Variants in RLN2 observed in about 807,000 individuals in gnomAD.
RLN2 encodes the protein relaxin 2.
In RLN2, 10 loss-of-function variants were observed where a neutral mutation model predicts 7.3. The observed-to-expected ratio is 1.36, with a 90% confidence interval of 0.84 to 2.31. RLN2 has a LOEUF of 2.31. RLN2 is among the 30% of genes most tolerant of loss of function. RLN2 has a pLI of 0.00. For synonymous variants in RLN2, 103 were observed against 82.3 expected (o/e 1.25, Z -1.36); for missense variants, 298 against 217.6 (o/e 1.37, Z -2.32).
the RLN2 span, among the ~76,000 whole-genome samples, chr9:5,328,521 G>C: frequency 6.6e-6 from 1 of 151,952 alleles, no homozygotes; most frequent in Non-Finnish European, 1.5e-5. Flanking sequence ...CCCTAATCTA[G>C]CAAGGCAGGC....
chr9:5,339,173 G>T, the RLN2 span: 8 of 195,592 alleles, frequency 4.1e-5, no homozygotes, highest in Non-Finnish European at 7.3e-5. Context: ...GGGTGCAGGA[G>T]TGCGCCCGGC....
the RLN2 span, among the ~76,000 whole-genome samples, chr9:5,323,808 G>A: frequency 1.3e-5 from 2 of 151,950 alleles, no homozygotes; most frequent in Non-Finnish European, 2.9e-5. Flanking sequence ...CAATTTGGGA[G>A]GCCGAGGTGG....
At chr9:5,318,784 T>A in the RLN2 span, among the ~76,000 whole-genome samples, 1 of 152,046 alleles carries the variant, frequency 6.6e-6, no homozygotes, top group Non-Finnish European at 1.5e-5. Flanking sequence ...ATCAGCTAAC[T>A]CAAGGAATTA....
chr9:5,330,484 A>G, the RLN2 span, among the ~76,000 whole-genome samples: 1 of 151,444 alleles, frequency 6.6e-6, no homozygotes, highest in Non-Finnish European at 1.5e-5. Flanking sequence ...TAAAAATACA[A>G]AAAATTAGCC....
the RLN2 span, among the ~76,000 whole-genome samples, chr9:5,320,641 G>A: frequency 6.6e-6 from 1 of 152,010 alleles, no homozygotes; most frequent in African/African-American, 2.4e-5. Flanking sequence ...AAAGTGCTGG[G>A]ATTATAGGCA....
upstream of RLN2, among the ~76,000 whole-genome samples, chr9:5,307,674 C>A (rs1816279310): frequency 6.6e-6 from 1 of 152,074 alleles, no homozygotes; most frequent in South Asian, 2.1e-4. Flanking sequence ...TTGTAAGTTT[C>A]CTGGGCATTG....
At chr9:5,306,009 T>C (rs1221570884), upstream of RLN2, among the ~76,000 whole-genome samples, 1 of 151,932 alleles carries the variant, frequency 6.6e-6, no homozygotes, top group East Asian at 1.9e-4. Flanking sequence ...TTTTGTGGGT[T>C]GACAGTCCTT....
At chr9:5,335,273 C>T in the RLN2 span, 1 of 1,593,922 alleles carries the variant, frequency 6.3e-7, no homozygotes, top group African/African-American at 1.4e-5. Context: ...AGCAAGAGAC[C>T]TTTTGGTACA....
chr9:5,315,304 G>GA, the RLN2 span, among the ~76,000 whole-genome samples: 2 of 148,224 alleles, frequency 1.3e-5, no homozygotes, highest in Non-Finnish European at 3.0e-5. Context: ...ACTGAGTGAA[G>GA]AAAATAAAAA....
At chr9:5,310,140 G>C in the RLN2 span, among the ~76,000 whole-genome samples, 1 of 151,960 alleles carries the variant, frequency 6.6e-6, no homozygotes, top group Admixed American at 6.6e-5. Flanking sequence ...TAAGGTCTAA[G>C]GAAGCAGGGT....
the RLN2 span, among the ~76,000 whole-genome samples, chr9:5,328,568 A>G: frequency 6.6e-6 from 1 of 151,968 alleles, no homozygotes; most frequent in African/African-American, 2.4e-5. Flanking sequence ...GACCACCACA[A>G]AGATACTCCT....
At chr9:5,310,614 A>G in the RLN2 span, among the ~76,000 whole-genome samples, 200 of 152,082 alleles carry the variant, frequency 1.3e-3, 3 homozygotes, top group African/African-American at 4.5e-3. Context: ...CTTTCTGAAC[A>G]TATCAGTTAT....
At chr9:5,339,181 G>C in the RLN2 span, 2 of 196,042 alleles carry the variant, frequency 1.0e-5, no homozygotes, top group Non-Finnish European at 1.8e-5. Context: ...GAGTGCGCCC[G>C]GCCTCCTGCG....
the RLN2 span, chr9:5,311,585 A>T: frequency 1.2e-6 from 1 of 869,172 alleles, no homozygotes; most frequent in East Asian, 2.4e-5. Context: ...CCATGCAAAG[A>T]CAGGAGAGAA....
At chr9:5,313,039 G>A in the RLN2 span, among the ~76,000 whole-genome samples, 2 of 151,994 alleles carry the variant, frequency 1.3e-5, no homozygotes, top group Non-Finnish European at 2.9e-5. Flanking sequence ...TGCATGAAAA[G>A]AATGTGTATT....
chr9:5,310,035 G>C, the RLN2 span, among the ~76,000 whole-genome samples: 1 of 151,980 alleles, frequency 6.6e-6, no homozygotes, highest in Non-Finnish European at 1.5e-5. Flanking sequence ...TTTGAGGAGG[G>C]GGAGTGGAGT....
At chr9:5,328,915 G>A in the RLN2 span, among the ~76,000 whole-genome samples, 110,437 of 151,810 alleles carry the variant, frequency 0.73, 40,718 homozygotes, top group African/African-American at 0.82. Flanking sequence ...GCTGCCTTAC[G>A]AGATTTCCTG....
the RLN2 span, among the ~76,000 whole-genome samples, chr9:5,329,074 C>T: frequency 5.3e-5 from 8 of 151,760 alleles, no homozygotes; most frequent in East Asian, 1.9e-4. Context: ...GAGGCCGAGG[C>T]GGGTGGATCA....
chr9:5,300,245 T>C lies in RLN2; in HGVS notation c.411A>G (p.Gln137=), dbSNP rs1816084704. The C allele has an allele frequency of 3.1e-6, 5 of 1,614,040 alleles. No homozygotes were observed. Among genetic ancestry groups the C allele is most frequent in the Non-Finnish European group, 4.2e-6 (5 of 1,179,930 alleles). The stretch of plus-strand genomic sequence containing the variant: ...AAGGACTGCTGTCTGCGGCTTCACT[T>C]TGTCTATTGCGAATAAGTTTCTTAA... The part of the protein sequence containing the change: ...EEFKKLIRNR[Q]SEAADSSPSE... Residue 137 remains glutamine (Q), a synonymous_variant, in exon 2 of 2, where the codon CAA becomes CAG. Coordinates refer to ENST00000381627, the MANE Select transcript of RLN2 (RefSeq NM_134441.3).
Sources: allele counts gnomAD v4.1 joint callset (sites outside exome capture counted in the v4.1 genomes callset), GRCh38; gene constraint gnomAD v4.1.1; transcripts MANE v1.5; gene names NCBI Gene and HGNC (gene_info 2026-07-23, HGNC 2026-07-21).